Variants in EP400 observed in about 807,000 individuals in gnomAD.
EP400 encodes E1A binding protein p400.
A neutral mutation model predicts 354.1 loss-of-function variants in EP400; 105 were observed. The ratio of observed to expected loss-of-function variants is 0.30; its 90% CI spans 0.25 to 0.35. The LOEUF is 0.35. EP400 is among the 10% of genes least tolerant of loss of function. The pLI, the probability that EP400 is intolerant of heterozygous loss-of-function variation, is 1.00. For missense variants in EP400, 3,280 were observed against 4,121.0 expected (o/e 0.80, Z 5.59); for synonymous variants, 1,646 against 1,716.9 (o/e 0.96, Z 1.02).
chr12:131,962,935 T>C (rs1891943870), intron 2 of EP400, among the ~76,000 whole-genome samples: 1 of 152,256 alleles, frequency 6.6e-6, no homozygotes, highest in Non-Finnish European at 1.5e-5. Context: ...CTGGTATCTA[T>C]GGATGTATTT....
In EP400 at chr12:132,050,842, G is replaced by A. The variant is rs1251175591; in HGVS notation, c.7394+187G>A. On this transcript the variant is annotated intron_variant, in intron 41 of 52. Transcript: ENST00000389561. The surrounding 1 kb of genome is among the most constrained non-coding windows in gnomAD (Gnocchi z 4.8). ...CCGTGGGCTAGGGTATGCATAGGAC[G>A]GCCCCTGCCCTGTCTCTGTGTTACA... 9 of 666,718 alleles carry A rather than the reference G, an allele frequency of 1.3e-5. No homozygotes were observed. Among genetic ancestry groups the A allele is most frequent in the East Asian group, 5.4e-5 (2 of 36,930 alleles). The allele number at this position is 666,718 out of a possible 1,614,324, so 41.3% of individuals were successfully genotyped here.
chr12:131,989,877 T>C, intron 7 of EP400, 87 bp from the exon 8 acceptor site: 3 of 1,492,396 alleles, frequency 2.0e-6, no homozygotes, highest in Non-Finnish European at 2.7e-6. Flanking sequence ...AATTTTAGTC[T>C]GAGAAGATTT....
intron 52 of EP400, among the ~76,000 whole-genome samples, chr12:132,076,842 G>A (rs1334109039): frequency 2.0e-5 from 3 of 152,356 alleles, no homozygotes; most frequent in South Asian, 2.1e-4. Context: ...TGATCATCGC[G>A]GGTGTGTCCT....
intron 5 of EP400, 149 bp downstream of exon 5, chr12:131,982,627 T>A: frequency 1.0e-6 from 1 of 977,196 alleles, no homozygotes; most frequent in Non-Finnish European, 1.5e-6. Flanking sequence ...CTCAATTCAG[T>A]ACTTGCAATA....
intron 27 of EP400, chr12:132,028,870 T>G (rs1339064466): frequency 6.5e-6 from 1 of 154,310 alleles, no homozygotes; most frequent in African/African-American, 2.4e-5. Flanking sequence ...AGTTCTCAGT[T>G]GTCTCCTGTC....
At chr12:132,037,207 C>G (rs1894748961) in intron 30 of EP400, among the ~76,000 whole-genome samples, 1 of 152,148 alleles carries the variant, frequency 6.6e-6, no homozygotes, top group Non-Finnish European at 1.5e-5. Context: ...TAATTGAACA[C>G]CTCTTGTGGG....
chr12:132,010,056 A>G (rs901756847), intron 15 of EP400, among the ~76,000 whole-genome samples: 1 of 146,770 alleles, frequency 6.8e-6, no homozygotes, highest in Non-Finnish European at 1.5e-5. Context: ...TCTGGATTTG[A>G]TTTGTGTTTA....
chr12:131,980,942 C>T (rs1009353247), intron 3 of EP400, among the ~76,000 whole-genome samples: 2 of 152,196 alleles, frequency 1.3e-5, no homozygotes, highest in African/African-American at 4.8e-5. Flanking sequence ...TGCTCAATTG[C>T]CCACCAAAAG....
intron 2 of EP400, among the ~76,000 whole-genome samples, chr12:131,965,616 A>G (rs1892048214): frequency 6.6e-6 from 1 of 152,136 alleles, no homozygotes. Context: ...ATCACCTCCC[A>G]AAATGTTCCC....
At chr12:132,045,655 G>A in intron 38 of EP400, 72 bp from the exon 39 acceptor site, 1 of 1,603,290 alleles carries the variant, frequency 6.2e-7, no homozygotes, top group Non-Finnish European at 8.5e-7. Context: ...TTTGCAGGGA[G>A]TCTTTGGCAA....
intron 19 of EP400, among the ~76,000 whole-genome samples, chr12:132,014,842 A>G (rs1893874705): frequency 6.6e-6 from 1 of 152,138 alleles, no homozygotes; most frequent in Non-Finnish European, 1.5e-5. Context: ...AGGTGATCGT[A>G]TGAGTGCACT....
At chr12:132,043,092 GC>G (rs1370628335) in intron 32 of EP400, among the ~76,000 whole-genome samples, 2 of 152,240 alleles carry the variant, frequency 1.3e-5, no homozygotes, top group Non-Finnish European at 2.9e-5. Context: ...GGTTAGCAAG[GC>G]CCAGGAGGTT....
In EP400 at chr12:132,020,126, C is replaced by T. The variant is rs553207849; in HGVS notation, c.4355C>T (p.Thr1452Met). The part of the protein sequence containing the change: ...VAFPSTHPPR[T>M]AAPTTASAAP... ...TTCCCCAGCACTCACCCGCCCCGGA[C>T]GGCAGCCCCCACCACGGCCTCTGCT... The change falls in exon 22 of 53, where the codon ACG becomes ATG. Residue 1452 changes from threonine (T) to methionine (M), a missense_variant. Physicochemically the swap from Thr to Met is moderately conservative, Grantham distance 81 (BLOSUM62 -1). This residue lies in a region of EP400 where 342 missense variants were observed against 342.7 expected (regional missense o/e 1.00). Coordinates refer to ENST00000389561, the MANE Select transcript of EP400 (RefSeq NM_015409.5). The T allele has an allele frequency of 8.8e-5, 142 of 1,611,518 alleles. 1 individual carries two copies. In the East Asian group the frequency reaches 2.8e-3, roughly 31 times the overall value.
chr12:131,989,558 C>T, intron 7 of EP400, among the ~76,000 whole-genome samples: 1 of 152,176 alleles, frequency 6.6e-6, no homozygotes, highest in Non-Finnish European at 1.5e-5. Flanking sequence ...CAATTTAAAG[C>T]AAAAGCTTTA....
intron 7 of EP400, 129 bp from the exon 8 acceptor site, chr12:131,989,835 T>C (rs900450067): frequency 2.9e-5 from 30 of 1,025,532 alleles, no homozygotes; most frequent in Non-Finnish European, 4.1e-5. Context: ...CCTAAGAGCA[T>C]ACGAGGATGT....
At chr12:132,055,837 G>T (rs1303529933) in intron 45 of EP400, among the ~76,000 whole-genome samples, 2 of 151,782 alleles carry the variant, frequency 1.3e-5, no homozygotes, top group African/African-American at 4.8e-5. Context: ...GTCCGCTGCT[G>T]ATTCTATTGC....
intron 30 of EP400, among the ~76,000 whole-genome samples, chr12:132,033,497 G>A (rs939159544): frequency 6.6e-6 from 1 of 151,898 alleles, no homozygotes; most frequent in Non-Finnish European, 1.5e-5. Context: ...AGGTCTCCTA[G>A]GTGGTAGCTG....
chr12:132,031,929 C>T (rs1894521973), intron 29 of EP400, 24 bp from the exon 30 acceptor site: 2 of 1,581,870 alleles, frequency 1.3e-6, no homozygotes, highest in Non-Finnish European at 1.7e-6. Flanking sequence ...AGAATACTAA[C>T]TCCTGTGTTT....
chr12:131,987,390 T>C (rs911384782), intron 6 of EP400, among the ~76,000 whole-genome samples: 1 of 152,198 alleles, frequency 6.6e-6, no homozygotes, highest in East Asian at 1.9e-4. Context: ...ATCCTATGGT[T>C]TCCCATGTAA....
Sources: allele counts gnomAD v4.1 joint callset (sites outside exome capture counted in the v4.1 genomes callset), GRCh38; gene constraint gnomAD v4.1.1; regional missense constraint gnomAD v4.1.1; non-coding constraint Gnocchi (gnomAD v3.1); transcripts MANE v1.5; gene names NCBI Gene and HGNC (gene_info 2026-07-23, HGNC 2026-07-21).